The following ZXDC variants were observed in gnomAD, a reference collection of about 807,000 sequenced individuals.
ZXDC encodes the protein ZXD family zinc finger C.
A neutral mutation model predicts 63.6 loss-of-function variants in ZXDC; 58 were observed. That is an observed-to-expected ratio of 0.91 (90% CI 0.74 to 1.13). ZXDC has a LOEUF of 1.13. Ranked by LOEUF, ZXDC falls within the 50% of genes most tolerant of loss-of-function variation. The probability of loss-of-function intolerance (pLI) is 0.00; values close to 1 mark genes in which losing one functional copy is unlikely to be tolerated. For missense variants in ZXDC, 1,133 were observed against 1,148.9 expected, an observed-to-expected ratio of 0.99 and a Z score of 0.20; for synonymous variants, 561 against 496.1, an observed-to-expected ratio of 1.13 and a Z score of -1.74.
intron 7 of ZXDC, chr3:126,453,517 C>T (rs1934190758): frequency 2.0e-6 from 2 of 985,430 alleles, no homozygotes; most frequent in Non-Finnish European, 2.4e-6. Context: ...AGTTGGCTTA[C>T]ACATCAAGTG....
intron 7 of ZXDC, 65 bp downstream of exon 7, chr3:126,459,588 G>A: frequency 6.2e-7 from 1 of 1,609,558 alleles, no homozygotes; most frequent in Non-Finnish European, 8.5e-7. Flanking sequence ...TGTTTCTTCT[G>A]CCAGTAACAG....
At position 126,451,831 on chromosome 3, in the gene ZXDC, T is replaced by C. The variant is rs536801087; in HGVS notation, c.2212+7822A>G. ...ATACACTCTGGGAAATGATTTAACC[T>C]TGGGGCCTCAGTGGCACCCGTGCAG... On this transcript the variant is annotated intron_variant, in intron 7 of 9. Transcript: ENST00000389709. 2,879 of 985,338 alleles carry C rather than the reference T, an allele frequency of 2.9e-3. 8 individuals carry two copies. The highest frequency in any genetic ancestry group is 3.2e-3 in the Non-Finnish European group (2,697 of 829,896). 61.0% of individuals were successfully genotyped at this position (985,338 alleles called of 1,614,324 possible).
At position 126,457,741 on chromosome 3, in the gene ZXDC, C is replaced by T. The variant is rs977229135; in HGVS notation, c.2212+1912G>A. 7 of 774,034 alleles carry T rather than the reference C, an allele frequency of 9.0e-6. No homozygotes were observed. The Admixed American group carries it at 3.7e-4, about 41-fold the overall frequency. The allele number at this position is 774,034 out of a possible 1,614,324, so 47.9% of individuals were successfully genotyped here. A position where few individuals can be genotyped will look rare whatever the true frequency, so the allele number is the denominator to read the frequency against. On this transcript the variant is annotated intron_variant, in intron 7 of 9. Coordinates refer to ENST00000389709, the MANE Select transcript of ZXDC (RefSeq NM_025112.5). ...AAGGAATGACAGATTTAGAGTACCA[C>T]CGTTTAGAGTAACCCCTAAGAAATG...
At chr3:126,471,821 T>C (rs1355524065) in intron 3 of ZXDC, 152 bp downstream of exon 3, 3 of 610,412 alleles carry the variant, frequency 4.9e-6, no homozygotes, top group Non-Finnish European at 7.8e-6. Context: ...CAATTTTCTT[T>C]TTACAGTTTT....
At chr3:126,456,155 T>C (rs1178477028) in intron 7 of ZXDC, among the ~76,000 whole-genome samples, 1 of 152,208 alleles carries the variant, frequency 6.6e-6, no homozygotes, top group Non-Finnish European at 1.5e-5. Flanking sequence ...AAAAAGCCCC[T>C]GCTGAGTGTT....
At chr3:126,455,764 G>A (rs1362140124) in intron 7 of ZXDC, among the ~76,000 whole-genome samples, 2 of 152,110 alleles carry the variant, frequency 1.3e-5, no homozygotes, top group African/African-American at 2.4e-5. Context: ...TTGGGAGGCC[G>A]AGGCGGGCGG....
chr3:126,466,104 C>T (rs772346723), intron 5 of ZXDC, 51 bp downstream of exon 5: 10 of 1,575,946 alleles, frequency 6.3e-6, no homozygotes, highest in East Asian at 2.3e-5. Flanking sequence ...GGCACTGTTC[C>T]CGTTTCTCAC....
intron 4 of ZXDC, among the ~76,000 whole-genome samples, chr3:126,466,933 C>T (rs1270656231): frequency 2.0e-5 from 3 of 152,138 alleles, no homozygotes; most frequent in Non-Finnish European, 4.4e-5. Context: ...TTACAATCAC[C>T]TCCCCTCCGT....
chr3:126,451,181 T>C (rs1288715806), intron 7 of ZXDC: 4 of 985,364 alleles, frequency 4.1e-6, no homozygotes, highest in South Asian at 9.4e-5. Flanking sequence ...ATAGAAAAAG[T>C]AGAAATGATC....
Position 126,439,717 on chromosome 3 carries a change from G to A in ZXDC, c.2405C>T (p.Ser802Phe). 6 of 1,551,458 alleles carry A rather than the reference G, an allele frequency of 3.9e-6. No homozygotes were observed. The highest frequency in any genetic ancestry group is 5.2e-6 in the Non-Finnish European group (6 of 1,147,070). ...GGCCGAGGGCAGGACACCTTCGCCG[G>A]AGGGGTCATCCTGGGAAGGCAACAC... ...VQVQLVQDDP[S>F]GEGVLPSARG... Residue 802 changes from serine to phenylalanine, a missense_variant, in exon 9 of 10, where the codon TCC (serine) becomes TTC (phenylalanine). Coordinates refer to ENST00000389709, the MANE Select transcript of ZXDC (RefSeq NM_025112.5).
chr3:126,457,851 T>C (rs1441516859), intron 7 of ZXDC, among the ~76,000 whole-genome samples: 1 of 152,080 alleles, frequency 6.6e-6, no homozygotes, highest in Non-Finnish European at 1.5e-5. Context: ...CAGCGGAGTT[T>C]TACCAACCAA....
At chr3:126,457,240 G>A (rs1934343952) in intron 7 of ZXDC, 1 of 978,636 alleles carries the variant, frequency 1.0e-6, no homozygotes, top group Non-Finnish European at 1.2e-6. Flanking sequence ...TGCAGCATGA[G>A]TATGCAGGAT....
At chr3:126,454,419 C>T (rs987144366) in intron 7 of ZXDC, 1 of 985,240 alleles carries the variant, frequency 1.0e-6, no homozygotes, top group African/African-American at 1.7e-5. Context: ...TTCTTTGTCC[C>T]CATGCTTTTT....
intron 9 of ZXDC, 138 bp downstream of exon 9, chr3:126,439,494 A>C: frequency 1.4e-6 from 2 of 1,436,554 alleles, no homozygotes; most frequent in Non-Finnish European, 1.9e-6. Context: ...GCAGCAAGAC[A>C]TCCTGGCAAC....
At chr3:126,462,321 C>A (rs1934590334) in intron 5 of ZXDC, 101 bp from the exon 6 acceptor site, 7 of 1,468,318 alleles carry the variant, frequency 4.8e-6, no homozygotes, top group Non-Finnish European at 6.3e-6. Flanking sequence ...CAAGGAAGCA[C>A]TGACTGTCCT....
chr3:126,472,654 A>G (rs1048939026), intron 1 of ZXDC, among the ~76,000 whole-genome samples: 1 of 152,190 alleles, frequency 6.6e-6, no homozygotes, highest in African/African-American at 2.4e-5. Context: ...GAGAAATCAA[A>G]TACTAAGGAA....
chr3:126,443,433 G>A (rs1217853390), intron 7 of ZXDC: 1 of 152,216 alleles, frequency 6.6e-6, no homozygotes, highest in Non-Finnish European at 1.5e-5. Context: ...TCAGTTCCTA[G>A]TACTGCAGTC....
rs114796706 is a variant in ZXDC at position 126,473,769 on chromosome 3, G to A, written c.907+1190C>T. Among the ~76,000 whole-genome samples the A allele has an allele frequency of 3.0e-3, 450 of 152,300 alleles. 3 individuals are homozygous for A. Among genetic ancestry groups the A allele is most frequent in the African/African-American group, 0.01 (432 of 41,568 alleles). On this transcript the variant is annotated intron_variant, in intron 1 of 9. Transcript: ENST00000389709. ...GTTTAAGGACATTATAAGGAGAGCCGTGTGCATATACAGGTTAGGGGCATG... is the reference window on the plus strand; with the variant it reads ...GTTTAAGGACATTATAAGGAGAGCCATGTGCATATACAGGTTAGGGGCATG...
intron 7 of ZXDC, chr3:126,450,223 T>C (rs1934043919): frequency 4.8e-6 from 2 of 413,806 alleles, no homozygotes; most frequent in Non-Finnish European, 4.9e-6. Context: ...GCTCACCCTT[T>C]ACCTGCCAGG....
Sources: allele counts gnomAD v4.1 joint callset (sites outside exome capture counted in the v4.1 genomes callset), GRCh38; gene constraint gnomAD v4.1.1; transcripts MANE v1.5; gene names NCBI Gene and HGNC (gene_info 2026-07-23, HGNC 2026-07-21).